JPH3: variants seen among roughly 807,000 people sequenced by gnomAD.
The protein encoded by JPH3 is junctophilin 3, also known as junctophilin-3.
A neutral mutation model predicts 59.6 loss-of-function variants in JPH3; 11 were observed. The observed-to-expected ratio is 0.18, with a 90% CI of 0.12 to 0.31. JPH3 has a LOEUF of 0.31. JPH3 is among the 10% of genes least tolerant of loss of function. JPH3 has a pLI of 1.00. For missense variants in JPH3, 1,202 were observed against 1,105.7 expected, an observed-to-expected ratio of 1.09 and a Z score of -1.24; for synonymous variants, 673 against 483.6, an observed-to-expected ratio of 1.39 and a Z score of -5.14.
intron 4 of JPH3, chr16:87,693,854 A>T (rs765515237): frequency 6.6e-6 from 1 of 152,112 alleles, no homozygotes; most frequent in Non-Finnish European, 1.5e-5. Flanking sequence ...TGTTTCTCTC[A>T]CGTTAACGGG....
chr16:87,645,406 C>T (rs1032427308), intron 2 of JPH3, among the ~76,000 whole-genome samples: 7 of 152,236 alleles, frequency 4.6e-5, no homozygotes, highest in African/African-American at 1.4e-4. Context: ...GTAGGGGTGA[C>T]ACCACCAGGT....
intron 1 of JPH3, among the ~76,000 whole-genome samples, chr16:87,628,844 G>T (rs1265251578): frequency 6.6e-6 from 1 of 152,094 alleles, no homozygotes; most frequent in Non-Finnish European, 1.5e-5. Flanking sequence ...TGGCTGGGAG[G>T]ATGCTCAGTC....
At chr16:87,652,409 A>AT (rs529850667) in intron 2 of JPH3, among the ~76,000 whole-genome samples, 2 of 152,362 alleles carry the variant, frequency 1.3e-5, no homozygotes, top group African/African-American at 4.8e-5. Flanking sequence ...AAGATTTGCA[A>AT]TTTTTTAAGA....
intron 1 of JPH3, among the ~76,000 whole-genome samples, chr16:87,613,256 C>T (rs926989682): frequency 6.6e-6 from 1 of 151,590 alleles, no homozygotes; most frequent in African/African-American, 2.4e-5. Context: ...ACCACCACGT[C>T]CGGCTAATTT....
intron 1 of JPH3, among the ~76,000 whole-genome samples, chr16:87,636,725 G>A (rs988598822): frequency 6.6e-6 from 1 of 152,206 alleles, no homozygotes; most frequent in African/African-American, 2.4e-5. Context: ...ATCCAACACC[G>A]TGCAGTTGCA....
At chr16:87,605,198 C>G (rs1034867958) in intron 1 of JPH3, among the ~76,000 whole-genome samples, 1 of 152,194 alleles carries the variant, frequency 6.6e-6, no homozygotes, top group African/African-American at 2.4e-5. Flanking sequence ...CGGGCTCACG[C>G]AGGGCATGGG....
intron 4 of JPH3, chr16:87,695,354 A>T (rs1259667160): frequency 2.2e-6 from 1 of 456,132 alleles, no homozygotes; most frequent in Non-Finnish European, 4.4e-6. Flanking sequence ...GGAGGAGAGT[A>T]GCCATCCCTG....
chr16:87,673,502 G>A (rs932147460), intron 2 of JPH3, among the ~76,000 whole-genome samples: 1 of 152,178 alleles, frequency 6.6e-6, no homozygotes, highest in African/African-American at 2.4e-5. Flanking sequence ...AGTATCTTCT[G>A]AAGATGGATT....
intron 2 of JPH3, among the ~76,000 whole-genome samples, chr16:87,658,545 C>G (rs2032586846): frequency 6.6e-6 from 1 of 152,174 alleles, no homozygotes; most frequent in Non-Finnish European, 1.5e-5. Context: ...TCCCCCTTCT[C>G]TCTCTCTCCC....
chr16:87,620,667 C>A (rs983322073), intron 1 of JPH3, among the ~76,000 whole-genome samples: 1 of 152,136 alleles, frequency 6.6e-6, no homozygotes, highest in Non-Finnish European at 1.5e-5. Flanking sequence ...CTTTTTGCGT[C>A]TTTCCTTGGA....
chr16:87,604,747 T>C lies in JPH3; in HGVS notation c.382+1219T>C, dbSNP rs2150818828. The C allele has an allele frequency of 4.3e-6, 4 of 926,340 alleles. No homozygotes were observed. The South Asian group carries it at 8.6e-5, about 20-fold the overall frequency. 57.4% of individuals were successfully genotyped at this position (926,340 alleles called of 1,614,324 possible). A position where few individuals can be genotyped will look rare whatever the true frequency, so the allele number is the denominator to read the frequency against. ...GGGGGCTGGAGAGTAATTATTATTT[T>C]GGCTTATGCAACTGAAAAGCAGGGT... On this transcript the variant is annotated intron_variant, in intron 1 of 4. Coordinates refer to ENST00000284262, the MANE Select transcript of JPH3 (RefSeq NM_020655.4).
At chr16:87,610,604 G>A (rs1381970108) in intron 1 of JPH3, among the ~76,000 whole-genome samples, 2 of 152,174 alleles carry the variant, frequency 1.3e-5, no homozygotes, top group Non-Finnish European at 2.9e-5. Flanking sequence ...AGAATTGGAC[G>A]TAGTTAAAGG....
chr16:87,695,732 C>A (rs1442176638), intron 4 of JPH3: 1 of 455,984 alleles, frequency 2.2e-6, no homozygotes, highest in African/African-American at 2.0e-5. Context: ...CCCTCTCCCC[C>A]TGCCTGGTGT....
intron 4 of JPH3, among the ~76,000 whole-genome samples, chr16:87,692,808 TC>T (rs1597298094): frequency 6.6e-6 from 1 of 152,162 alleles, no homozygotes; most frequent in East Asian, 1.9e-4. Context: ...GAAGCTTCCC[TC>T]CTGCGGGCAG....
chr16:87,604,405 C>T (rs2030426974), intron 1 of JPH3: 2 of 1,415,582 alleles, frequency 1.4e-6, no homozygotes, highest in Non-Finnish European at 1.9e-6. Context: ...ATATCCACTC[C>T]TCAGTGCACC....
At chr16:87,641,059 T>C (rs1056859665) in intron 1 of JPH3, among the ~76,000 whole-genome samples, 38 of 152,298 alleles carry the variant, frequency 2.5e-4, no homozygotes, top group East Asian at 3.9e-4. Context: ...GTGGTTCGCA[T>C]TGGGGTGCCG....
rs563265220 is a variant in JPH3 at position 87,616,335 on chromosome 16, G to A, written c.382+12807G>A. 2.4e-4 allele frequency among the ~76,000 whole-genome samples: 36 copies of A among 150,660 alleles called. 1 individual carries two copies. The highest frequency in any genetic ancestry group is 2.3e-3 in the South Asian group (11 of 4,770). ...TACAGGCTCCACCTCCTGGGTTCAC[G>A]CCGTTCTCCTGCCTCAGCCTCCCGA... On this transcript the variant is annotated intron_variant, in intron 1 of 4. Transcript: ENST00000284262.
chr16:87,626,497 C>T (rs2031380235), intron 1 of JPH3, among the ~76,000 whole-genome samples: 1 of 152,256 alleles, frequency 6.6e-6, no homozygotes, highest in African/African-American at 2.4e-5. Flanking sequence ...AGACAGGCTC[C>T]AAGTGGTGTG....
In JPH3 at chr16:87,644,802, C is replaced by T. The variant is rs567320827; in HGVS notation, c.927C>T (p.Leu309=). The T allele has an allele frequency of 6.2e-7, 1 of 1,613,134 alleles. No homozygotes were observed. The highest frequency in any genetic ancestry group is 1.3e-5 in the African/African-American group (1 of 74,842). Residue 309 remains leucine (L), a synonymous_variant, in exon 2 of 5, where the codon CTC becomes CTT. Transcript: ENST00000284262. The part of the protein sequence containing the change: ...GFGVSQRSDG[L]KYEGEWASNR... Reference sequence around the variant, plus strand: ...GCGTGAGCCAGCGCTCGGACGGGCTCAAGTACGAGGGCGAGTGGGCCAGCA... The same window carrying T: ...GCGTGAGCCAGCGCTCGGACGGGCTTAAGTACGAGGGCGAGTGGGCCAGCA...
Sources: gnomAD v4.1 joint callset for allele counts (sites outside exome capture counted in the v4.1 genomes callset) on GRCh38, gnomAD v4.1.1 for gene constraint, MANE v1.5 for transcripts, NCBI Gene and HGNC (gene_info 2026-07-23, HGNC 2026-07-21) for gene names.